Variants in CUX2 observed in about 807,000 individuals in gnomAD.
The protein encoded by CUX2 is homeobox protein cut-like 2.
In CUX2, 40 loss-of-function variants were observed where a neutral mutation model predicts 144.8. The observed-to-expected ratio is 0.28, with a 90% CI of 0.21 to 0.36. CUX2 has a LOEUF of 0.36. Ranked by LOEUF, CUX2 falls within the 10% of genes least tolerant of loss-of-function variation. The probability of loss-of-function intolerance (pLI) is 1.00; values close to 1 mark genes in which losing one functional copy is unlikely to be tolerated. For missense variants in CUX2, 1,615 were observed against 1,994.0 expected (o/e 0.81, Z 3.62); for synonymous variants, 827 against 875.6 (o/e 0.94, Z 0.98).
At chr12:111,199,730 T>C (rs1350069348) in intron 1 of CUX2, among the ~76,000 whole-genome samples, 3 of 152,138 alleles carry the variant, frequency 2.0e-5, no homozygotes, top group Non-Finnish European at 4.4e-5. Context: ...CGTGTCTGTC[T>C]GTGGTATGTG....
chr12:111,131,485 A>G (rs1247356328), intron 1 of CUX2, among the ~76,000 whole-genome samples: 1 of 152,074 alleles, frequency 6.6e-6, no homozygotes, highest in African/African-American at 2.4e-5. Flanking sequence ...CAGTCCCCCA[A>G]AGTCTTAACT....
At position 111,035,613 on chromosome 12, in the gene CUX2, C is replaced by CTTT. The variant is rs60539275; in HGVS notation, c.63+1387_63+1389dup. Among the ~76,000 whole-genome samples the CTTT allele has an allele frequency of 5.6e-4, 76 of 135,146 alleles. No individual in the cohort carries two copies. The highest frequency in any genetic ancestry group is 6.6e-4 in the Admixed American group (9 of 13,662). 88.7% of individuals were successfully genotyped at this position (135,146 alleles called of 152,430 possible). A position where few individuals can be genotyped will look rare whatever the true frequency, so the allele number is the denominator to read the frequency against. On this transcript the variant is annotated intron_variant, in intron 1 of 21. Transcript: ENST00000261726. This position sits in a 1 kb window ranked among gnomAD's most constrained non-coding sequence, Gnocchi z 6.0. ...CAGTCTGGAGATAAAAAGGGACCCA[C>CTTT]TTTTTTTTTTTTTTTTAATCCGCCG...
chr12:111,270,413 C>T (rs1412676675), intron 4 of CUX2: 6 of 151,928 alleles, frequency 3.9e-5, no homozygotes, highest in Admixed American at 2.6e-4. Context: ...GAAAGAAAAC[C>T]GTAAATCTTT....
At chr12:111,208,682 C>T (rs556399769) in intron 1 of CUX2, among the ~76,000 whole-genome samples, 11 of 152,264 alleles carry the variant, frequency 7.2e-5, no homozygotes, top group South Asian at 2.1e-4. Flanking sequence ...TACCCACTGA[C>T]GGGACATGAA....
At chr12:111,159,140 TTTG>T (rs565029145) in intron 1 of CUX2, among the ~76,000 whole-genome samples, 21 of 151,924 alleles carry the variant, frequency 1.4e-4, no homozygotes, top group Non-Finnish European at 2.5e-4. Context: ...CTGCCAGGAT[TTTG>T]TTGTTGTTGT....
intron 1 of CUX2, among the ~76,000 whole-genome samples, chr12:111,197,901 A>T (rs913658364): frequency 6.6e-6 from 1 of 152,204 alleles, no homozygotes; most frequent in African/African-American, 2.4e-5. Flanking sequence ...CTTTTCCCAC[A>T]GCAGTGCCCC....
intron 16 of CUX2, among the ~76,000 whole-genome samples, chr12:111,319,497 G>C (rs1328232772): frequency 6.6e-6 from 1 of 152,130 alleles, no homozygotes; most frequent in Non-Finnish European, 1.5e-5. Context: ...TCAGCACTTT[G>C]GGAGGCTGAG....
At chr12:111,262,330 A>G (rs1884168504) in intron 3 of CUX2, among the ~76,000 whole-genome samples, 1 of 151,836 alleles carries the variant, frequency 6.6e-6, no homozygotes, top group Admixed American at 6.6e-5. Flanking sequence ...GAGACCAGGG[A>G]CTTTCTCAGA....
chr12:111,172,145 G>A (rs563957771), intron 1 of CUX2, among the ~76,000 whole-genome samples: 2 of 152,260 alleles, frequency 1.3e-5, no homozygotes, highest in South Asian at 4.1e-4. Flanking sequence ...CTTTGTGTGT[G>A]CATGTGCCTC....
At chr12:111,298,407 C>A in intron 8 of CUX2, 134 bp from the exon 9 acceptor site, 1 of 868,232 alleles carries the variant, frequency 1.2e-6, no homozygotes, top group Non-Finnish European at 1.7e-6. Context: ...TCTTTTCTCC[C>A]CAGCCCGATT....
chr12:111,116,216 T>TG (rs765534907), intron 1 of CUX2, among the ~76,000 whole-genome samples: 17 of 152,230 alleles, frequency 1.1e-4, no homozygotes, highest in Non-Finnish European at 1.8e-4. Context: ...TTAATTTATC[T>TG]GGGGGAACGA....
At chr12:111,294,214 TCTC>T (rs1190792666) in intron 6 of CUX2, among the ~76,000 whole-genome samples, 5 of 152,194 alleles carry the variant, frequency 3.3e-5, no homozygotes, top group African/African-American at 1.2e-4. Context: ...TTTAAGCAAT[TCTC>T]CTGCCTCAGC....
intron 3 of CUX2, among the ~76,000 whole-genome samples, chr12:111,228,200 C>T (rs552425565): frequency 3.3e-5 from 5 of 152,136 alleles, no homozygotes; most frequent in Admixed American, 3.3e-4. Context: ...CAGGAGTTAC[C>T]TCAAAGATAG....
intron 1 of CUX2, among the ~76,000 whole-genome samples, chr12:111,189,134 T>C (rs1366294739): frequency 6.6e-6 from 1 of 151,998 alleles, no homozygotes; most frequent in African/African-American, 2.4e-5. Context: ...TAGCCAAGTG[T>C]GGTGGTGTGC....
Position 111,277,828 on chromosome 12 carries a change from A to G in CUX2, c.302-13590A>G, listed in dbSNP as rs1447607956. ...CGGCTGTAACAAATACCATGAGCTT[A>G]GAGGCTTAAAACAACACACGTTTAT... On this transcript the variant is annotated intron_variant, in intron 4 of 21. Transcript: ENST00000261726. The surrounding 1 kb of genome is among the most constrained non-coding windows in gnomAD (Gnocchi z 5.0). Among the ~76,000 whole-genome samples the G allele has an allele frequency of 6.6e-6, 1 of 152,232 alleles. No homozygotes were observed.
At position 111,322,194 on chromosome 12, in the gene CUX2, A is replaced by G. The variant is rs1887569426; in HGVS notation, c.2767-227A>G. On this transcript the variant is annotated intron_variant, in intron 17 of 21. Coordinates refer to ENST00000261726, the MANE Select transcript of CUX2 (RefSeq NM_015267.4). The surrounding 1 kb of genome is among the most constrained non-coding windows in gnomAD (Gnocchi z 4.2). The stretch of plus-strand genomic sequence containing the variant: ...TTAGCCAGACGTGCACCAGCCTGGT[A>G]CAAGTCCCAACTACTAAGGAGGCTG... Among the ~76,000 whole-genome samples the G allele has an allele frequency of 6.6e-6, 1 of 151,858 alleles. No individual in the cohort carries two copies. The highest frequency in any genetic ancestry group is 1.5e-5 in the Non-Finnish European group (1 of 67,934).
chr12:111,068,529 CTG>C lies in CUX2; in HGVS notation c.63+34290_63+34291del, dbSNP rs2136027552. Among the ~76,000 whole-genome samples the C allele has an allele frequency of 6.6e-6, 1 of 152,318 alleles. No individual in the cohort carries two copies. The highest frequency in any genetic ancestry group is 2.1e-4 in the South Asian group (1 of 4,824). On this transcript the variant is annotated intron_variant, in intron 1 of 21. Coordinates refer to ENST00000261726, the MANE Select transcript of CUX2 (RefSeq NM_015267.4). The surrounding 1 kb of genome is among the most constrained non-coding windows in gnomAD (Gnocchi z 4.9). ...TTCCAGAAAGCCTTCAGCCCAAACT[CTG>C]GGCTCTCCGGGGACCCAGGAGCGCA... is the stretch of plus-strand genomic sequence containing the variant.
At chr12:111,156,239 C>T (rs1428501366) in intron 1 of CUX2, among the ~76,000 whole-genome samples, 1 of 151,920 alleles carries the variant, frequency 6.6e-6, no homozygotes, top group African/African-American at 2.4e-5. Flanking sequence ...CTCATCCCTG[C>T]TTCCCAAGAA....
chr12:111,122,601 A>G (rs1248589631), intron 1 of CUX2, among the ~76,000 whole-genome samples: 3 of 152,204 alleles, frequency 2.0e-5, no homozygotes, highest in Non-Finnish European at 2.9e-5. Flanking sequence ...ACAGATAATT[A>G]ATGCTGTTGA....
Sources: allele counts gnomAD v4.1 joint callset (sites outside exome capture counted in the v4.1 genomes callset), GRCh38; gene constraint gnomAD v4.1.1; non-coding constraint Gnocchi (gnomAD v3.1); transcripts MANE v1.5; gene names NCBI Gene and HGNC (gene_info 2026-07-23, HGNC 2026-07-21).